Variants in HIVEP1 observed in about 807,000 individuals in gnomAD.
HIVEP1 encodes the protein zinc finger protein 40.
In HIVEP1, 36 loss-of-function variants were observed where a neutral mutation model predicts 180.0. That is an observed-to-expected ratio of 0.20 (90% CI 0.15 to 0.26). The LOEUF (loss-of-function observed/expected upper bound fraction) is 0.26, where lower values mean the gene tolerates loss of function less well. Ranked by LOEUF, HIVEP1 falls within the 10% of genes least tolerant of loss-of-function variation. The probability of loss-of-function intolerance (pLI) is 1.00; values close to 1 mark genes in which losing one functional copy is unlikely to be tolerated. For synonymous variants in HIVEP1, 1,239 were observed against 1,239.0 expected (o/e 1.00, Z 0.00); for missense variants, 3,143 against 3,268.7 (o/e 0.96, Z 0.94).
rs545004610 is a variant in HIVEP1 at position 12,123,298 on chromosome 6, C to T, written c.3503C>T (p.Thr1168Met). The change falls in exon 4 of 9, where the codon ACG (threonine) becomes ATG (methionine). Residue 1168 changes from threonine to methionine, a missense_variant. This residue lies in a region of HIVEP1 where 1,357 missense variants were observed against 1,260.5 expected (regional missense o/e 1.08). Coordinates refer to ENST00000379388, the MANE Select transcript of HIVEP1 (RefSeq NM_002114.4). ...GTTTCTTTCCAGGAGCTGAATAGAA[C>T]GGGGAAGTCCGGGTCTCTAAAAGTG... is the stretch of plus-strand genomic sequence containing the variant. ...SPVSFQELNR[T>M]GKSGSLKVIG... is the part of the protein sequence containing the mutation. The T allele has an allele frequency of 1.1e-5, 18 of 1,614,120 alleles. No individual in the cohort carries two copies. The highest frequency in any genetic ancestry group is 1.6e-4 in the Middle Eastern group (1 of 6,062).
intron 3 of HIVEP1, among the ~76,000 whole-genome samples, chr6:12,095,378 T>C (rs138435474): frequency 1.3e-5 from 2 of 152,104 alleles, no homozygotes; most frequent in East Asian, 3.9e-4. Flanking sequence ...CTTAAAGCTG[T>C]TAATTTCCTT....
intron 7 of HIVEP1, among the ~76,000 whole-genome samples, chr6:12,138,936 G>T (rs1758849424): frequency 6.6e-6 from 1 of 151,180 alleles, no homozygotes; most frequent in African/African-American, 2.4e-5. Flanking sequence ...AAACCTTTTG[G>T]CTCTTCACTT....
intron 2 of HIVEP1, among the ~76,000 whole-genome samples, chr6:12,062,033 GA>G (rs889863775): frequency 1.3e-5 from 2 of 152,126 alleles, no homozygotes; most frequent in African/African-American, 2.4e-5. Context: ...GTTAGTCATT[GA>G]CTGCTTAATG....
intron 2 of HIVEP1, among the ~76,000 whole-genome samples, chr6:12,049,461 C>G (rs1036073858): frequency 1.3e-5 from 2 of 152,094 alleles, no homozygotes; most frequent in Non-Finnish European, 2.9e-5. Flanking sequence ...TGTGTGAGAC[C>G]TTGCGCGAGG....
intron 3 of HIVEP1, among the ~76,000 whole-genome samples, chr6:12,107,273 A>G (rs1774490642): frequency 2.0e-5 from 3 of 152,240 alleles, no homozygotes. Context: ...TGTGCAGATG[A>G]GCATTGGCTT....
chr6:12,188,954 A>G, the HIVEP1 span, among the ~76,000 whole-genome samples: 12 of 152,016 alleles, frequency 7.9e-5, no homozygotes, highest in African/African-American at 2.9e-4. Context: ...AGGAAATAAA[A>G]CAGTTTATTA....
chr6:12,102,599 A>G (rs1330465732), intron 3 of HIVEP1, among the ~76,000 whole-genome samples: 1 of 152,232 alleles, frequency 6.6e-6, no homozygotes, highest in East Asian at 1.9e-4. Flanking sequence ...CTGCATTTGA[A>G]TTCCTCTACA....
upstream of HIVEP1, among the ~76,000 whole-genome samples, chr6:12,010,935 C>A (rs1273142854): frequency 6.6e-6 from 1 of 152,182 alleles, no homozygotes; most frequent in Non-Finnish European, 1.5e-5. Flanking sequence ...CCCGCACCCC[C>A]CTTTTCTGTC....
intron 7 of HIVEP1, 149 bp from the exon 8 acceptor site, chr6:12,161,290 C>T (rs920859499): frequency 4.1e-6 from 3 of 724,486 alleles, no homozygotes; most frequent in African/African-American, 3.5e-5. Context: ...TTCCCCAGGG[C>T]CTTCTCAGCC....
At chr6:12,051,337 G>T (rs1770526665) in intron 2 of HIVEP1, among the ~76,000 whole-genome samples, 2 of 151,536 alleles carry the variant, frequency 1.3e-5, no homozygotes, top group Admixed American at 1.3e-4. Flanking sequence ...TTTTATTTTT[G>T]ATTTTTAGGA....
intron 2 of HIVEP1, among the ~76,000 whole-genome samples, chr6:12,051,604 A>G (rs1770546651): frequency 6.6e-6 from 1 of 151,938 alleles, no homozygotes; most frequent in South Asian, 2.1e-4. Context: ...AATATAATAT[A>G]TAGATAAAAT....
chr6:12,041,145 C>T (rs1017523912), intron 2 of HIVEP1, among the ~76,000 whole-genome samples: 2 of 152,118 alleles, frequency 1.3e-5, no homozygotes, highest in Non-Finnish European at 2.9e-5. Flanking sequence ...GCCAGCCGGG[C>T]GCAGTGTGGC....
At chr6:12,208,884 CCTATCTGA>C in the HIVEP1 span, among the ~76,000 whole-genome samples, 3 of 142,268 alleles carry the variant, frequency 2.1e-5, no homozygotes, top group Non-Finnish European at 4.7e-5. Context: ...TTACTGAAGC[CCTATCTGA>C]CTAATACAGT....
the HIVEP1 span, among the ~76,000 whole-genome samples, chr6:12,204,368 C>CTGT: frequency 5.3e-5 from 8 of 152,294 alleles, no homozygotes; most frequent in Middle Eastern, 0.01. Flanking sequence ...CCTCCCTTCC[C>CTGT]CGTCTATCCT....
the HIVEP1 span, among the ~76,000 whole-genome samples, chr6:12,183,786 A>T: frequency 1.3e-5 from 2 of 152,184 alleles, no homozygotes; most frequent in African/African-American, 4.8e-5. Flanking sequence ...TAATTTTGTT[A>T]TATCCCTTGA....
chr6:12,105,640 T>C (rs982224842), intron 3 of HIVEP1, among the ~76,000 whole-genome samples: 5 of 152,206 alleles, frequency 3.3e-5, no homozygotes, highest in Non-Finnish European at 7.3e-5. Context: ...TATTAACCTT[T>C]GCCTTACATG....
chr6:12,072,722 G>A (rs1286530086), intron 2 of HIVEP1, among the ~76,000 whole-genome samples: 2 of 152,166 alleles, frequency 1.3e-5, no homozygotes, highest in Admixed American at 6.5e-5. Context: ...CTTTCCTAAC[G>A]GCAGTGCCCT....
intron 2 of HIVEP1, among the ~76,000 whole-genome samples, chr6:12,078,734 T>C (rs543426608): frequency 8.7e-6 from 1 of 114,574 alleles, no homozygotes; most frequent in African/African-American, 2.6e-5. Context: ...ATATATACTT[T>C]TAACATTTGT....
At chr6:12,035,738 A>G (rs1769237307) in intron 2 of HIVEP1, among the ~76,000 whole-genome samples, 1 of 152,246 alleles carries the variant, frequency 6.6e-6, no homozygotes, top group Non-Finnish European at 1.5e-5. Context: ...CCCACAAATC[A>G]ACATACATTT....
Sources: gnomAD v4.1 joint callset for allele counts (sites outside exome capture counted in the v4.1 genomes callset) on GRCh38, gnomAD v4.1.1 for gene constraint, gnomAD v4.1.1 regional missense constraint, MANE v1.5 for transcripts, NCBI Gene and HGNC (gene_info 2026-07-23, HGNC 2026-07-21) for gene names.